SEC13: variants seen among roughly 807,000 people sequenced by gnomAD.
SEC13 encodes the protein protein SEC13 homolog.
Under a neutral mutation model 49.2 loss-of-function variants are expected in SEC13, and 25 were observed. The observed-to-expected ratio is 0.51, with a 90% CI of 0.37 to 0.71. The LOEUF is 0.71. Among genes scored for constraint, SEC13 ranks in the 30% least tolerant of loss-of-function variants. The probability of loss-of-function intolerance (pLI) is 0.00; values close to 1 mark genes in which losing one functional copy is unlikely to be tolerated. For synonymous variants in SEC13, 148 were observed against 163.9 expected, an observed-to-expected ratio of 0.90 and a Z score of 0.74; for missense variants, 383 against 417.6, an observed-to-expected ratio of 0.92 and a Z score of 0.72.
chr3:10,316,590 A>G (rs1413540404), intron 2 of SEC13, among the ~76,000 whole-genome samples: 1 of 152,122 alleles, frequency 6.6e-6, no homozygotes. Flanking sequence ...CTTTGAAAAC[A>G]CTTCATCTCC....
chr3:10,319,991 AGAGAGGGAGGGTGGG>A (rs1208192499), intron 1 of SEC13, among the ~76,000 whole-genome samples: 24 of 62,244 alleles, frequency 3.9e-4, no homozygotes, highest in African/African-American at 1.5e-3. Context: ...GGGAGTGGGG[AGAGAGGGAGGGTGGG>A]GAGAGAGAGA....
In SEC13 at chr3:10,319,127, G is replaced by C. The variant is rs553591835; in HGVS notation, c.4-1033C>G. On this transcript the variant is annotated intron_variant, in intron 1 of 8. Coordinates refer to ENST00000350697, the MANE Select transcript of SEC13 (RefSeq NM_183352.3). Reference sequence around the variant, plus strand: ...TTAAAAGAAGTTTCAGTGTGGAACAGACATTTCTTACCATTTTCCCCATTT... The same window carrying C: ...TTAAAAGAAGTTTCAGTGTGGAACACACATTTCTTACCATTTTCCCCATTT... The C allele has an allele frequency of 6.8e-6, 11 of 1,606,752 alleles. No homozygotes were observed. In the African/African-American group the frequency reaches 1.2e-4, roughly 18 times the overall value.
At chr3:10,307,140 A>C (rs1218731158) in intron 5 of SEC13, among the ~76,000 whole-genome samples, 4 of 151,980 alleles carry the variant, frequency 2.6e-5, no homozygotes, top group Non-Finnish European at 5.9e-5. Context: ...TGCAGCCTCA[A>C]ACTTCGTAGG....
At position 10,311,832 on chromosome 3, in the gene SEC13, A is replaced by T. The variant is rs1490537849; in HGVS notation, c.450+133T>A. 2.6e-6 allele frequency: 4 copies of T among 1,568,394 alleles called. No homozygotes were observed. The African/African-American group carries it at 4.0e-5, about 16-fold the overall frequency. On this transcript the variant is annotated intron_variant, in intron 5 of 8. Coordinates refer to ENST00000350697, the MANE Select transcript of SEC13 (RefSeq NM_183352.3). The stretch of plus-strand genomic sequence containing the variant: ...GGCTCAAAGCTGCTCTAGAGCAATC[A>T]TGTCTGGTCAGCTGACCACTCCCCG...
In SEC13 at chr3:10,305,728, A is replaced by G. The variant is rs767657001; in HGVS notation, c.451-36T>C. ...GGGACACATGGTGACTCTGCCTTGC[A>G]AGAGAACACTGCTTCTGCAGACCCA... On this transcript the variant is annotated intron_variant, in intron 5 of 8. Transcript: ENST00000350697. The G allele has an allele frequency of 3.1e-6, 5 of 1,612,416 alleles. No homozygotes were observed. In the Admixed American group the frequency reaches 5.0e-5, roughly 16 times the overall value.
intron 2 of SEC13, among the ~76,000 whole-genome samples, chr3:10,316,807 G>A (rs1479489882): frequency 6.6e-6 from 1 of 152,056 alleles, no homozygotes; most frequent in Non-Finnish European, 1.5e-5. Flanking sequence ...TTCGAGACTA[G>A]CCTGACCAAC....
chr3:10,315,109 C>A (rs1379530835), intron 3 of SEC13: 1 of 496,578 alleles, frequency 2.0e-6, no homozygotes, highest in East Asian at 3.5e-5. Flanking sequence ...AGCTGAGATT[C>A]ACACCTGTAT....
At chr3:10,313,171 T>C (rs1701390342) in intron 3 of SEC13, 1 of 229,444 alleles carries the variant, frequency 4.4e-6, no homozygotes, top group African/African-American at 2.2e-5. Flanking sequence ...TTCATTTTGA[T>C]GTTTTCCACT....
At chr3:10,313,001 C>CA in intron 3 of SEC13, 1 of 410,774 alleles carries the variant, frequency 2.4e-6, no homozygotes, top group Non-Finnish European at 4.4e-6. Flanking sequence ...GCAGGAGCCT[C>CA]ACTTGCCCAG....
intron 3 of SEC13, chr3:10,313,536 T>C: frequency 4.6e-6 from 2 of 439,274 alleles, no homozygotes; most frequent in Admixed American, 4.6e-5. Context: ...TAGCTATTAG[T>C]GCTGCTCCTG....
chr3:10,311,951 G>C lies in SEC13; in HGVS notation c.450+14C>G. On this transcript the variant is annotated intron_variant, in intron 5 of 8. Coordinates refer to ENST00000350697, the MANE Select transcript of SEC13 (RefSeq NM_183352.3). ...AGGCGCTCTCACTGCACGAAAGGCA[G>C]GGGATGGACTCACGGTGTGAGCGTT... 1 of 1,614,220 alleles carries C rather than the reference G, an allele frequency of 6.2e-7. No homozygotes were observed. Among genetic ancestry groups the C allele is most frequent in the South Asian group, 1.1e-5 (1 of 91,088 alleles).
intron 2 of SEC13, among the ~76,000 whole-genome samples, chr3:10,317,450 T>C (rs1212844370): frequency 6.6e-6 from 1 of 152,206 alleles, no homozygotes; most frequent in East Asian, 1.9e-4. Flanking sequence ...GTGTTTTTCC[T>C]GCGGTAGACT....
chr3:10,312,473 C>A, intron 4 of SEC13, 106 bp downstream of exon 4: 1 of 1,372,452 alleles, frequency 7.3e-7, no homozygotes, highest in South Asian at 1.4e-5. Flanking sequence ...GCTCAAGAGA[C>A]AGACAAGAGG....
At chr3:10,308,206 A>T (rs1701010971) in intron 5 of SEC13, among the ~76,000 whole-genome samples, 2 of 152,188 alleles carry the variant, frequency 1.3e-5, no homozygotes, top group South Asian at 4.1e-4. Flanking sequence ...CATTCCCAAA[A>T]GTTTCCTCGG....
chr3:10,315,611 A>G (rs1032723925), intron 2 of SEC13, among the ~76,000 whole-genome samples, 175 bp from the exon 3 acceptor site: 6 of 152,166 alleles, frequency 3.9e-5, no homozygotes, highest in Non-Finnish European at 1.5e-5. Context: ...CACTTCACCT[A>G]TGGGCAGTGT....
Position 10,301,321 on chromosome 3 carries a change from G to A in SEC13, c.909C>T (p.Val303=), listed in dbSNP as rs1354422714. 23 of 1,614,034 alleles carry A rather than the reference G, an allele frequency of 1.4e-5. No individual in the cohort carries two copies. Among genetic ancestry groups the A allele is most frequent in the Admixed American group, 3.3e-5 (2 of 59,996 alleles). Residue 303 remains valine (V), a synonymous_variant, in exon 9 of 9, where the codon GTC becomes GTT. Transcript: ENST00000350697. ...VDGQWVCISD[V]NKGQGSVSAS... is the part of the protein sequence containing the mutation. The stretch of plus-strand genomic sequence containing the variant: ...CTGATACGGAGCCCTGGCCCTTGTT[G>A]ACATCACTGATGCACACCCACTGCC...
intron 8 of SEC13, chr3:10,303,782 G>A: frequency 1.9e-6 from 1 of 534,978 alleles, no homozygotes; most frequent in Non-Finnish European, 3.4e-6. Context: ...CATAGTTTTG[G>A]GACCCCCATG....
intron 8 of SEC13, among the ~76,000 whole-genome samples, chr3:10,303,047 G>A (rs1031308792): frequency 6.6e-6 from 1 of 152,214 alleles, no homozygotes; most frequent in Non-Finnish European, 1.5e-5. Flanking sequence ...AATGGGGAAG[G>A]GAGTTATTTA....
intron 2 of SEC13, among the ~76,000 whole-genome samples, chr3:10,315,814 C>T (rs920411885): frequency 1.3e-5 from 2 of 152,190 alleles, no homozygotes; most frequent in African/African-American, 4.8e-5. Flanking sequence ...AAGGGGAATA[C>T]CCCTGGGTTC....
Sources: allele counts gnomAD v4.1 joint callset (sites outside exome capture counted in the v4.1 genomes callset), GRCh38; gene constraint gnomAD v4.1.1; transcripts MANE v1.5; gene names NCBI Gene and HGNC (gene_info 2026-07-23, HGNC 2026-07-21).